Variants in PRDM6 observed in about 807,000 individuals in gnomAD.
PRDM6 encodes putative histone-lysine N-methyltransferase PRDM6.
A neutral mutation model predicts 60.8 loss-of-function variants in PRDM6; 25 were observed. That is an observed-to-expected ratio of 0.41 (90% CI 0.30 to 0.57). PRDM6 has a LOEUF of 0.57. Among genes scored for constraint, PRDM6 ranks in the 20% least tolerant of loss-of-function variants. The pLI is 0.27. For missense variants in PRDM6, 839 were observed against 821.3 expected, an observed-to-expected ratio of 1.02 and a Z score of -0.26; for synonymous variants, 407 against 357.4, an observed-to-expected ratio of 1.14 and a Z score of -1.57.
At chr5:123,153,200 CA>C (rs3036136) in intron 3 of PRDM6, among the ~76,000 whole-genome samples, 39,063 of 122,326 alleles carry the variant, frequency 0.32, 5,151 homozygotes, top group Middle Eastern at 0.43. Flanking sequence ...AACTGAACTA[CA>C]AAAAAAAAAA....
At chr5:123,140,765 C>A (rs1313575446) in intron 3 of PRDM6, among the ~76,000 whole-genome samples, 1 of 152,094 alleles carries the variant, frequency 6.6e-6, no homozygotes, top group African/African-American at 2.4e-5. Context: ...TACATTCAGT[C>A]TTTCTTCTGG....
chr5:123,123,519 T>C lies in PRDM6; in HGVS notation c.900+23558T>C, dbSNP rs1764627610. Among the ~76,000 whole-genome samples, 3 of 152,336 alleles carry C rather than the reference T, an allele frequency of 2.0e-5. No individual in the cohort carries two copies. In the South Asian group the frequency reaches 6.2e-4, roughly 32 times the overall value. ...TGGTTCTGGAAGTGGCTGCATTTCA[T>C]TGGTAGGCTTTAAAATAAATCCAAA... is the stretch of plus-strand genomic sequence containing the variant. On this transcript the variant is annotated intron_variant, in intron 3 of 7. Coordinates refer to ENST00000407847, the MANE Select transcript of PRDM6 (RefSeq NM_001136239.4).
At chr5:123,107,248 T>C (rs1764216416) in intron 3 of PRDM6, among the ~76,000 whole-genome samples, 1 of 152,230 alleles carries the variant, frequency 6.6e-6, no homozygotes, top group South Asian at 2.1e-4. Flanking sequence ...ATTTGTTTGA[T>C]TGCAGATCTA....
At chr5:123,117,004 T>C (rs1003538963) in intron 3 of PRDM6, among the ~76,000 whole-genome samples, 3 of 152,198 alleles carry the variant, frequency 2.0e-5, no homozygotes, top group African/African-American at 7.2e-5. Flanking sequence ...GAAAATTCCT[T>C]TGTTTTGTAC....
intron 3 of PRDM6, among the ~76,000 whole-genome samples, chr5:123,149,148 A>T (rs1417650618): frequency 6.6e-6 from 1 of 152,182 alleles, no homozygotes; most frequent in African/African-American, 2.4e-5. Context: ...TCATTTTGTG[A>T]TCTTTCTTCT....
intron 3 of PRDM6, among the ~76,000 whole-genome samples, chr5:123,148,595 CT>C (rs10709227): frequency 0.25 from 36,150 of 146,986 alleles, 4,611 homozygotes; most frequent in Middle Eastern, 0.33. Context: ...TATGCATTGT[CT>C]TTTTTTTTTT....
Position 123,099,662 on chromosome 5 carries a change from A to G in PRDM6, c.601A>G (p.Met201Val). 6.9e-7 allele frequency: 1 copy of G among 1,458,828 alleles called. No individual in the cohort carries two copies. The highest frequency in any genetic ancestry group is 9.1e-7 in the Non-Finnish European group (1 of 1,101,886). The allele number at this position is 1,458,828 out of a possible 1,614,324, so 90.4% of individuals were successfully genotyped here. A position where few individuals can be genotyped will look rare whatever the true frequency, so the allele number is the denominator to read the frequency against. Residue 201 changes from methionine to valine, a missense_variant, in exon 3 of 8, where the codon ATG becomes GTG. By Grantham distance (21) the Met-to-Val change is conservative. Coordinates refer to ENST00000407847, the MANE Select transcript of PRDM6 (RefSeq NM_001136239.4). This position sits in a 1 kb window ranked among gnomAD's most constrained non-coding sequence, Gnocchi z 4.0. Reference sequence around the variant, plus strand: ...CTTCTTGTCTCCCGCAGGTTGCGACATGTGCGCGGACAACCGCAACGGCGA... The same window carrying G: ...CTTCTTGTCTCCCGCAGGTTGCGACGTGTGCGCGGACAACCGCAACGGCGA... ...HTSDPNNRCD[M>V]CADNRNGECP... is the part of the protein sequence containing the mutation.
At chr5:123,104,666 A>T (rs1247453311) in intron 3 of PRDM6, among the ~76,000 whole-genome samples, 1 of 152,230 alleles carries the variant, frequency 6.6e-6, no homozygotes, top group Non-Finnish European at 1.5e-5. Flanking sequence ...TTAAAAATAA[A>T]CCATAGTAAT....
At chr5:123,175,432 A>C (rs1379518974) in intron 6 of PRDM6, among the ~76,000 whole-genome samples, 2 of 152,176 alleles carry the variant, frequency 1.3e-5, no homozygotes, top group East Asian at 3.9e-4. Context: ...GGGCCTGGAG[A>C]GAATTCATCA....
At chr5:123,124,057 G>C (rs1297459955) in intron 3 of PRDM6, among the ~76,000 whole-genome samples, 2 of 152,148 alleles carry the variant, frequency 1.3e-5, no homozygotes, top group African/African-American at 2.4e-5. Context: ...CTTTGACCTG[G>C]TCCAGGTCAG....
intron 3 of PRDM6, among the ~76,000 whole-genome samples, chr5:123,144,322 A>C (rs1765188381): frequency 6.6e-6 from 1 of 152,220 alleles, no homozygotes; most frequent in Admixed American, 6.5e-5. Context: ...TTCAGCCCTT[A>C]CTACACATTT....
At position 123,128,848 on chromosome 5, in the gene PRDM6, A is replaced by G. The variant is rs576571388; in HGVS notation, c.901-27036A>G. On this transcript the variant is annotated intron_variant, in intron 3 of 7. Transcript: ENST00000407847. ...AGTCATGAAGTCCTTGCCCATGCCT[A>G]TGTCCTGAATGGTATTGGCTAGGTT... is the stretch of plus-strand genomic sequence containing the variant. Among the ~76,000 whole-genome samples, 14 of 152,310 alleles carry G rather than the reference A, an allele frequency of 9.2e-5. No individual in the cohort carries two copies. The South Asian group carries it at 2.7e-3, about 29-fold the overall frequency.
chr5:123,090,386 C>G lies in PRDM6; in HGVS notation c.372C>G (p.Ala124=), dbSNP rs1763799544. The change falls in exon 2 of 8, where the codon GCC becomes GCG. Residue 124 remains alanine (A), a synonymous_variant. Transcript: ENST00000407847. ...TGCCGGTGTTCGCGCCTCTAGCCGC[C>G]GCTGCCGTCGCCGCCGAGCCGCTGC... The part of the protein sequence containing the change: ...SQLPVFAPLA[A]AAVAAEPLPP... The G allele has an allele frequency of 1.4e-6, 2 of 1,463,162 alleles. No individual in the cohort carries two copies. The highest frequency in any genetic ancestry group is 2.6e-5 in the South Asian group (2 of 76,094). 90.6% of individuals were successfully genotyped at this position (1,463,162 alleles called of 1,614,324 possible).
intron 2 of PRDM6, among the ~76,000 whole-genome samples, chr5:123,098,442 C>T (rs913555985): frequency 1.1e-4 from 16 of 152,246 alleles, no homozygotes; most frequent in Non-Finnish European, 2.2e-4. Context: ...GGCGCAGACA[C>T]GGCGGCTCCT....
At chr5:123,128,193 A>C (rs1396687745) in intron 3 of PRDM6, among the ~76,000 whole-genome samples, 2 of 152,166 alleles carry the variant, frequency 1.3e-5, no homozygotes, top group Non-Finnish European at 2.9e-5. Context: ...GTTGGTTCCA[A>C]GTCTTTGCTA....
At chr5:123,170,463 G>T (rs1765859827) in intron 5 of PRDM6, among the ~76,000 whole-genome samples, 1 of 152,184 alleles carries the variant, frequency 6.6e-6, no homozygotes, top group African/African-American at 2.4e-5. Context: ...TCCAGGCATA[G>T]GTGCAGTGTG....
chr5:123,108,332 G>A (rs1764239825), intron 3 of PRDM6, among the ~76,000 whole-genome samples: 1 of 152,072 alleles, frequency 6.6e-6, no homozygotes, highest in African/African-American at 2.4e-5. Flanking sequence ...TCAATGTCTT[G>A]TAAAGCACCA....
chr5:123,099,518 A>G lies in PRDM6; in HGVS notation c.593-136A>G. 1.3e-6 allele frequency: 1 copy of G among 746,138 alleles called. No individual in the cohort carries two copies. The allele number at this position is 746,138 out of a possible 1,614,324, so 46.2% of individuals were successfully genotyped here. A position where few individuals can be genotyped will look rare whatever the true frequency, so the allele number is the denominator to read the frequency against. ...CCTCTGAGTTGCTTCGGTGCCCCCAAGGCATCACCTTCCTCGAAGGTGGCT... is the reference window on the plus strand; with the variant it reads ...CCTCTGAGTTGCTTCGGTGCCCCCAGGGCATCACCTTCCTCGAAGGTGGCT... On this transcript the variant is annotated intron_variant, in intron 2 of 7. Transcript: ENST00000407847. The surrounding 1 kb of genome is among the most constrained non-coding windows in gnomAD (Gnocchi z 4.0).
At position 123,175,985 on chromosome 5, in the gene PRDM6, C is replaced by A. The variant is rs1176195192; in HGVS notation, c.1497-4162C>A. Among the ~76,000 whole-genome samples, 8 of 152,150 alleles carry A rather than the reference C, an allele frequency of 5.3e-5. No homozygotes were observed. The East Asian group carries it at 7.7e-4, about 15-fold the overall frequency. On this transcript the variant is annotated intron_variant, in intron 6 of 7. Transcript: ENST00000407847. Reference sequence around the variant, plus strand: ...AAACATTTACCAGCATTGATATATACCAACTAAATCTACCCAGGTGTTTTC... The same window carrying A: ...AAACATTTACCAGCATTGATATATAACAACTAAATCTACCCAGGTGTTTTC...
Sources: allele counts gnomAD v4.1 joint callset (sites outside exome capture counted in the v4.1 genomes callset), GRCh38; gene constraint gnomAD v4.1.1; non-coding constraint Gnocchi (gnomAD v3.1); transcripts MANE v1.5; gene names NCBI Gene and HGNC (gene_info 2026-07-23, HGNC 2026-07-21).